PRDM16: variants seen among roughly 807,000 people sequenced by gnomAD.
PRDM16 encodes the protein PR/SET domain 16.
A neutral mutation model predicts 110.6 loss-of-function variants in PRDM16; 23 were observed. The observed-to-expected ratio is 0.21, with a 90% CI of 0.15 to 0.29. The LOEUF (loss-of-function observed/expected upper bound fraction) is 0.29, where lower values mean the gene tolerates loss of function less well. Among genes scored for constraint, PRDM16 ranks in the 10% least tolerant of loss-of-function variants. The pLI is 1.00. For missense variants in PRDM16, 1,615 were observed against 1,794.3 expected (o/e 0.90, Z 1.81); for synonymous variants, 799 against 781.8 (o/e 1.02, Z -0.37).
chr1:3,177,294 C>A (rs766071790), intron 1 of PRDM16, among the ~76,000 whole-genome samples: 8 of 152,352 alleles, frequency 5.3e-5, no homozygotes, highest in Middle Eastern at 3.4e-3. Context: ...CCACCCATAC[C>A]TCTTCTGCTG....
chr1:3,231,548 C>T (rs1057496334), intron 2 of PRDM16, among the ~76,000 whole-genome samples: 1 of 152,218 alleles, frequency 6.6e-6, no homozygotes, highest in Non-Finnish European at 1.5e-5. Flanking sequence ...CAATGGGAAG[C>T]GCTGGCTTGG....
intron 3 of PRDM16, among the ~76,000 whole-genome samples, chr1:3,284,599 CA>C (rs935808713): frequency 3.3e-5 from 5 of 152,182 alleles, no homozygotes; most frequent in Non-Finnish European, 7.3e-5. Flanking sequence ...AAGGGGCGGC[CA>C]GGGGGAGCCC....
At chr1:3,309,260 C>T (rs1303295963) in intron 3 of PRDM16, 1 of 152,268 alleles carries the variant, frequency 6.6e-6, no homozygotes, top group Non-Finnish European at 1.5e-5. Flanking sequence ...CCTCTGGGCA[C>T]AGCAGCCCCT....
intron 1 of PRDM16, among the ~76,000 whole-genome samples, chr1:3,159,296 G>A (rs1569718319): frequency 2.6e-5 from 4 of 152,258 alleles, no homozygotes; most frequent in East Asian, 3.8e-4. Flanking sequence ...AGCAAGGGCC[G>A]CCATCACGAT....
chr1:3,363,492 C>T (rs1642752870), intron 3 of PRDM16, among the ~76,000 whole-genome samples: 1 of 152,194 alleles, frequency 6.6e-6, no homozygotes, highest in South Asian at 2.1e-4. Context: ...AAGCCTCTGC[C>T]AAGCCCTTCT....
chr1:3,425,968 T>A lies in PRDM16; in HGVS notation c.3110-83T>A. The A allele has an allele frequency of 6.8e-7, 1 of 1,465,450 alleles. No homozygotes were observed. Among genetic ancestry groups the A allele is most frequent in the Non-Finnish European group, 9.2e-7 (1 of 1,085,746 alleles). The allele number at this position is 1,465,450 out of a possible 1,614,324, so 90.8% of individuals were successfully genotyped here. On this transcript the variant is annotated intron_variant, in intron 13 of 16. Transcript: ENST00000270722. This position sits in a 1 kb window ranked among gnomAD's most constrained non-coding sequence, Gnocchi z 6.9. Reference sequence around the variant, plus strand: ...CCTGCCTCCCTAACAGCACCCCAGGTGTACCCCGTTCGCGGTTGGTTTGCC... The same window carrying A: ...CCTGCCTCCCTAACAGCACCCCAGGAGTACCCCGTTCGCGGTTGGTTTGCC...
At chr1:3,187,945 C>G (rs763604785) in intron 2 of PRDM16, among the ~76,000 whole-genome samples, 17 of 152,326 alleles carry the variant, frequency 1.1e-4, no homozygotes, top group Non-Finnish European at 1.9e-4. Context: ...GCGTACCCCC[C>G]CAACGAGAGG....
chr1:3,133,148 C>G (rs1212537746), intron 1 of PRDM16: 1 of 152,266 alleles, frequency 6.6e-6, no homozygotes, highest in Admixed American at 6.5e-5. Flanking sequence ...CGGTGGTAAC[C>G]GGCTTCTGGT....
chr1:3,251,688 G>A (rs1304502181), intron 3 of PRDM16, among the ~76,000 whole-genome samples: 4 of 152,198 alleles, frequency 2.6e-5, no homozygotes, highest in Non-Finnish European at 5.9e-5. Flanking sequence ...GGGAGGCCGT[G>A]CAGACAGGAC....
chr1:3,164,929 C>G (rs1354537620), intron 1 of PRDM16, among the ~76,000 whole-genome samples: 1 of 152,210 alleles, frequency 6.6e-6, no homozygotes, highest in Middle Eastern at 3.2e-3. Context: ...TGCTTGTTCC[C>G]CAGAGGTGCA....
intron 1 of PRDM16, among the ~76,000 whole-genome samples, chr1:3,156,421 T>G (rs1006983027): frequency 6.6e-6 from 1 of 152,192 alleles, no homozygotes; most frequent in African/African-American, 2.4e-5. Context: ...TGCTTCTATT[T>G]TTATGGCTGG....
chr1:3,337,805 T>A (rs1572037), intron 3 of PRDM16, among the ~76,000 whole-genome samples: 2 of 152,072 alleles, frequency 1.3e-5, no homozygotes, highest in East Asian at 3.9e-4. Context: ...CCTGGTGACC[T>A]GGAGCATGAC....
In PRDM16 at chr1:3,242,882, G is replaced by A. The variant is rs139261022; in HGVS notation, c.388-1205G>A. On this transcript the variant is annotated intron_variant, in intron 2 of 16. Transcript: ENST00000270722. The stretch of plus-strand genomic sequence containing the variant: ...TCTATTCTTATGGAAACAACGTTGC[G>A]GTTTCCGTATACTCGACCGTGCATG... 2.2e-4 allele frequency among the ~76,000 whole-genome samples: 33 copies of A among 152,310 alleles called. No individual in the cohort carries two copies. The East Asian group carries it at 5.6e-3, about 26-fold the overall frequency.
chr1:3,074,153 C>CG (rs1226739928), intron 1 of PRDM16, among the ~76,000 whole-genome samples: 5 of 152,210 alleles, frequency 3.3e-5, no homozygotes, highest in African/African-American at 4.8e-5. Flanking sequence ...GGAGACGGGC[C>CG]GGGCTCCCTA....
intron 1 of PRDM16, among the ~76,000 whole-genome samples, chr1:3,146,929 C>G (rs1643678186): frequency 1.5e-5 from 1 of 68,116 alleles, no homozygotes. Flanking sequence ...GGTGTGTGTG[C>G]ACGTGTGTGC....
intron 12 of PRDM16, among the ~76,000 whole-genome samples, chr1:3,420,426 G>A (rs954730935): frequency 5.4e-4 from 82 of 152,340 alleles, no homozygotes; most frequent in African/African-American, 1.7e-3. Flanking sequence ...GTGTGTGCCC[G>A]CCGCATGTGC....
At chr1:3,427,158 C>T (rs1391104189) in intron 14 of PRDM16, among the ~76,000 whole-genome samples, 1 of 152,222 alleles carries the variant, frequency 6.6e-6, no homozygotes, top group Admixed American at 6.5e-5. Context: ...CCAGGAATGT[C>T]GGCGCATGCT....
chr1:3,211,823 G>A lies in PRDM16; in HGVS notation c.387+25349G>A, dbSNP rs769344760. 7.2e-5 allele frequency among the ~76,000 whole-genome samples: 11 copies of A among 152,358 alleles called. 1 individual carries two copies. In the South Asian group the frequency reaches 1.7e-3, roughly 23 times the overall value. ...TCCATGCGTGTGCACGTGTGCATGCGTGTGCGTGCGCGTGCATCCACGCCT... is the reference window on the plus strand; with the variant it reads ...TCCATGCGTGTGCACGTGTGCATGCATGTGCGTGCGCGTGCATCCACGCCT... On this transcript the variant is annotated intron_variant, in intron 2 of 16. Coordinates refer to ENST00000270722, the MANE Select transcript of PRDM16 (RefSeq NM_022114.4).
chr1:3,399,717 G>C (rs1490241870), intron 5 of PRDM16, among the ~76,000 whole-genome samples: 1 of 152,234 alleles, frequency 6.6e-6, no homozygotes, highest in Admixed American at 6.5e-5. Context: ...AATTCTAAAT[G>C]AGAACTGGAA....
Sources: allele counts gnomAD v4.1 joint callset (sites outside exome capture counted in the v4.1 genomes callset), GRCh38; gene constraint gnomAD v4.1.1; non-coding constraint Gnocchi (gnomAD v3.1); transcripts MANE v1.5; gene names NCBI Gene and HGNC (gene_info 2026-07-23, HGNC 2026-07-21).